Variants in LRFN2 observed in about 807,000 individuals in gnomAD.
LRFN2 encodes leucine-rich repeat and fibronectin type-III domain-containing protein 2.
LRFN2 carries 18 observed loss-of-function variants against 37.3 expected under a neutral mutation model. That is an observed-to-expected ratio of 0.48 (90% confidence interval 0.33 to 0.72). The LOEUF is 0.72. Ranked by LOEUF, LRFN2 falls within the 30% of genes least tolerant of loss-of-function variation. The pLI is 0.02. For missense variants in LRFN2, 1,006 were observed against 1,060.7 expected, an observed-to-expected ratio of 0.95 and a Z score of 0.72; for synonymous variants, 556 against 466.6, an observed-to-expected ratio of 1.19 and a Z score of -2.47.
In LRFN2 at chr6:40,566,180, A is replaced by G. The variant is rs576743304; in HGVS notation, c.-19+20761T>C. The stretch of plus-strand genomic sequence containing the variant: ...CAGAGAAATGCAAATCAAAACCACA[A>G]CGAGATACCATCTCACACCAGTTAG... On this transcript the variant is annotated intron_variant, in intron 1 of 2. Transcript: ENST00000338305. 1.2e-4 allele frequency among the ~76,000 whole-genome samples: 18 copies of G among 152,322 alleles called. No individual in the cohort carries two copies. In the East Asian group the frequency reaches 3.1e-3, roughly 26 times the overall value.
intron 2 of LRFN2, among the ~76,000 whole-genome samples, chr6:40,410,786 G>T (rs1762949950): frequency 6.6e-6 from 1 of 152,190 alleles, no homozygotes; most frequent in South Asian, 2.1e-4. Context: ...TAGGGGTTGG[G>T]GTCTCTGCCA....
At chr6:40,449,528 T>C (rs1274776742) in intron 1 of LRFN2, among the ~76,000 whole-genome samples, 1 of 152,200 alleles carries the variant, frequency 6.6e-6, no homozygotes, top group Non-Finnish European at 1.5e-5. Flanking sequence ...TTTCTACTGA[T>C]TGGAATGTAG....
At chr6:40,558,785 C>T (rs992566203) in intron 1 of LRFN2, among the ~76,000 whole-genome samples, 11 of 152,318 alleles carry the variant, frequency 7.2e-5, no homozygotes, top group Admixed American at 4.6e-4. Flanking sequence ...GTGAGGTTAA[C>T]GTTATTAGTG....
chr6:40,471,812 T>C (rs566970587), intron 1 of LRFN2, among the ~76,000 whole-genome samples: 63 of 152,290 alleles, frequency 4.1e-4, no homozygotes, highest in African/African-American at 1.3e-3. Flanking sequence ...ACTTGCCACA[T>C]ACCCACAACC....
At chr6:40,534,183 A>T (rs1766406153) in intron 1 of LRFN2, among the ~76,000 whole-genome samples, 1 of 152,180 alleles carries the variant, frequency 6.6e-6, no homozygotes, top group Non-Finnish European at 1.5e-5. Flanking sequence ...ACTGAGACCC[A>T]GTGTTAGCTC....
chr6:40,452,642 T>C (rs913761216), intron 1 of LRFN2, among the ~76,000 whole-genome samples: 12 of 152,286 alleles, frequency 7.9e-5, no homozygotes, highest in African/African-American at 2.4e-4. Flanking sequence ...AAAAACTTAG[T>C]GATGGGTGAC....
chr6:40,544,782 A>G (rs1421406191), intron 1 of LRFN2, among the ~76,000 whole-genome samples: 1 of 152,182 alleles, frequency 6.6e-6, no homozygotes, highest in African/African-American at 2.4e-5. Flanking sequence ...AAAAAGTGAT[A>G]CTGGCCAGAG....
chr6:40,523,161 C>T (rs549607140), intron 1 of LRFN2, among the ~76,000 whole-genome samples: 4 of 152,322 alleles, frequency 2.6e-5, no homozygotes, highest in Admixed American at 1.3e-4. Context: ...GACTATGTGT[C>T]ACTGGACCAA....
chr6:40,465,268 G>A (rs1049300810), intron 1 of LRFN2, among the ~76,000 whole-genome samples: 1 of 152,166 alleles, frequency 6.6e-6, no homozygotes, highest in African/African-American at 2.4e-5. Context: ...CTTGATTTTA[G>A]TTTAATGAGA....
At chr6:40,487,281 A>G (rs924912387) in intron 1 of LRFN2, among the ~76,000 whole-genome samples, 6 of 152,132 alleles carry the variant, frequency 3.9e-5, no homozygotes, top group Non-Finnish European at 8.8e-5. Flanking sequence ...ATCCAGTTCT[A>G]TGGTGAGTAG....
At chr6:40,533,001 A>T (rs1257168831) in intron 1 of LRFN2, among the ~76,000 whole-genome samples, 2 of 152,214 alleles carry the variant, frequency 1.3e-5, no homozygotes, top group African/African-American at 2.4e-5. Context: ...GCAACGGCCA[A>T]CTGTAAGGTG....
rs370392979 is a variant in LRFN2, at chr6:40,411,888, T to C, written c.1401-18976A>G. On this transcript the variant is annotated intron_variant, in intron 2 of 2. Transcript: ENST00000338305. ...CTCATTTGTGGTGCCTGTTGCCCGT[T>C]TTCCTCTCATAAGGACCAGGATTGC... Among the ~76,000 whole-genome samples, 4 of 152,276 alleles carry C rather than the reference T, an allele frequency of 2.6e-5. No homozygotes were observed. In the South Asian group the frequency reaches 8.3e-4, roughly 32 times the overall value.
chr6:40,535,948 C>A (rs1028209414), intron 1 of LRFN2, among the ~76,000 whole-genome samples: 1 of 151,978 alleles, frequency 6.6e-6, no homozygotes, highest in African/African-American at 2.4e-5. Flanking sequence ...GCTGGCTCAG[C>A]GATGCAGAAG....
chr6:40,405,654 G>A (rs994702981), intron 2 of LRFN2, among the ~76,000 whole-genome samples: 2 of 152,302 alleles, frequency 1.3e-5, no homozygotes, highest in Non-Finnish European at 1.5e-5. Context: ...GACTCGGGCA[G>A]TGCCTGACCC....
At chr6:40,461,735 G>A (rs1316686162) in intron 1 of LRFN2, among the ~76,000 whole-genome samples, 2 of 152,080 alleles carry the variant, frequency 1.3e-5, no homozygotes, top group African/African-American at 4.8e-5. Flanking sequence ...AGATTACCAG[G>A]TCTGGGATTG....
chr6:40,426,943 G>A (rs182898579), intron 2 of LRFN2, among the ~76,000 whole-genome samples: 54 of 152,214 alleles, frequency 3.5e-4, no homozygotes, highest in African/African-American at 1.2e-3. Context: ...TTCCATTAGC[G>A]CAACTAAAAA....
chr6:40,478,801 C>T (rs55804822), intron 1 of LRFN2, among the ~76,000 whole-genome samples: 1 of 152,062 alleles, frequency 6.6e-6, no homozygotes, highest in Non-Finnish European at 1.5e-5. Context: ...GTGTGTGAGG[C>T]CACATTCTGA....
chr6:40,530,194 G>A (rs549733989), intron 1 of LRFN2, among the ~76,000 whole-genome samples: 202 of 152,248 alleles, frequency 1.3e-3, no homozygotes, highest in Non-Finnish European at 1.9e-3. Flanking sequence ...AGGCCTGCTC[G>A]GGGAAACCTC....
intron 1 of LRFN2, among the ~76,000 whole-genome samples, chr6:40,479,823 AC>A (rs977620014): frequency 6.6e-4 from 100 of 152,334 alleles, no homozygotes; most frequent in African/African-American, 2.3e-3. Context: ...AGCCTGGGCC[AC>A]GTTCCTCCTT....
Sources: allele counts gnomAD v4.1 joint callset (sites outside exome capture counted in the v4.1 genomes callset), GRCh38; gene constraint gnomAD v4.1.1; transcripts MANE v1.5; gene names NCBI Gene and HGNC (gene_info 2026-07-23, HGNC 2026-07-21).